GRIA4: variants seen among roughly 807,000 people sequenced by gnomAD.
GRIA4 encodes the protein glutamate ionotropic receptor AMPA type subunit 4.
Under a neutral mutation model 104.0 loss-of-function variants are expected in GRIA4, and 34 were observed. The observed-to-expected ratio is 0.33, with a 90% CI of 0.25 to 0.44. The LOEUF (loss-of-function observed/expected upper bound fraction) is 0.44, where lower values mean the gene tolerates loss of function less well. Ranked by LOEUF, GRIA4 falls within the 20% of genes least tolerant of loss-of-function variation. GRIA4 has a pLI of 1.00. For missense variants in GRIA4, 750 were observed against 1,096.5 expected, an observed-to-expected ratio of 0.68 and a Z score of 4.46; for synonymous variants, 386 against 381.9, an observed-to-expected ratio of 1.01 and a Z score of -0.13.
intron 3 of GRIA4, among the ~76,000 whole-genome samples, chr11:105,723,073 G>A (rs530892372): frequency 6.6e-6 from 1 of 152,170 alleles, no homozygotes; most frequent in East Asian, 1.9e-4. Flanking sequence ...ACTTGCCGAT[G>A]GGTAAAGTTG....
intron 10 of GRIA4, among the ~76,000 whole-genome samples, chr11:105,917,447 G>A (rs1004751434): frequency 1.3e-5 from 2 of 152,150 alleles, no homozygotes; most frequent in Non-Finnish European, 2.9e-5. Context: ...ATCAGAATTA[G>A]TGTAGGTTGC....
intron 3 of GRIA4, among the ~76,000 whole-genome samples, chr11:105,690,093 T>C (rs1343789157): frequency 6.6e-6 from 1 of 152,222 alleles, no homozygotes; most frequent in African/African-American, 2.4e-5. Context: ...CCTTAGTGTC[T>C]ATACTTACAT....
At chr11:105,612,151 A>T in intron 2 of GRIA4, 125 bp from the exon 3 acceptor site, 1 of 784,920 alleles carries the variant, frequency 1.3e-6, no homozygotes, top group Admixed American at 2.4e-5. Context: ...GTCTCCCTAG[A>T]TGTGGCAGGT....
chr11:105,687,621 G>C (rs934869882), intron 3 of GRIA4, among the ~76,000 whole-genome samples: 2 of 152,158 alleles, frequency 1.3e-5, no homozygotes, highest in Admixed American at 1.3e-4. Context: ...GAGAATGACA[G>C]TGCTGTCTAT....
intron 7 of GRIA4, among the ~76,000 whole-genome samples, chr11:105,901,584 A>G (rs1309682314): frequency 6.6e-6 from 1 of 152,182 alleles, no homozygotes; most frequent in East Asian, 1.9e-4. Flanking sequence ...GAAAAGAATT[A>G]TATCTTTTGA....
chr11:105,951,869 G>A (rs553675017), intron 14 of GRIA4, among the ~76,000 whole-genome samples: 1 of 152,182 alleles, frequency 6.6e-6, no homozygotes, highest in African/African-American at 2.4e-5. Context: ...GGCTGAGGTG[G>A]GAGGATCACC....
At chr11:105,674,128 G>T (rs909562190) in intron 3 of GRIA4, among the ~76,000 whole-genome samples, 7 of 152,028 alleles carry the variant, frequency 4.6e-5, no homozygotes, top group African/African-American at 1.7e-4. Context: ...GAACTGGATA[G>T]TGAGCACTTT....
intron 4 of GRIA4, among the ~76,000 whole-genome samples, chr11:105,777,263 A>T (rs1211067885): frequency 6.6e-6 from 1 of 152,202 alleles, no homozygotes; most frequent in Non-Finnish European, 1.5e-5. Context: ...AGAGAAAAAA[A>T]GTTGGTATGA....
At chr11:105,635,593 GC>G (rs1385351563) in intron 3 of GRIA4, among the ~76,000 whole-genome samples, 1 of 152,160 alleles carries the variant, frequency 6.6e-6, no homozygotes, top group African/African-American at 2.4e-5. Context: ...CTGGATTCAT[GC>G]CATTTCAAAT....
chr11:105,828,397 C>T (rs761196511), intron 4 of GRIA4, among the ~76,000 whole-genome samples: 3 of 151,924 alleles, frequency 2.0e-5, no homozygotes, highest in Non-Finnish European at 4.4e-5. Flanking sequence ...GTAGTTGGCA[C>T]ATTAACCATC....
intron 9 of GRIA4, among the ~76,000 whole-genome samples, chr11:105,908,509 A>G (rs1051522020): frequency 5.9e-5 from 9 of 151,776 alleles, no homozygotes; most frequent in East Asian, 1.9e-4. Flanking sequence ...TTACTTCTAA[A>G]TAAGCCCATG....
At chr11:105,667,725 G>A (rs1233051176) in intron 3 of GRIA4, among the ~76,000 whole-genome samples, 2 of 151,848 alleles carry the variant, frequency 1.3e-5, no homozygotes, top group Non-Finnish European at 2.9e-5. Context: ...TGTATTTAAA[G>A]TACACAGCTG....
At chr11:105,694,434 A>C (rs906622149) in intron 3 of GRIA4, among the ~76,000 whole-genome samples, 1 of 152,168 alleles carries the variant, frequency 6.6e-6, no homozygotes, top group African/African-American at 2.4e-5. Context: ...GGCGTAAGTC[A>C]ATGCTCCCGG....
intron 3 of GRIA4, chr11:105,614,120 T>G (rs1405957989): frequency 6.6e-6 from 1 of 151,742 alleles, no homozygotes; most frequent in Non-Finnish European, 1.5e-5. Flanking sequence ...TTACTACTTT[T>G]AAAAATAATC....
At chr11:105,669,589 C>T (rs796453603) in intron 3 of GRIA4, among the ~76,000 whole-genome samples, 31 of 152,206 alleles carry the variant, frequency 2.0e-4, no homozygotes, top group African/African-American at 7.2e-4. Flanking sequence ...TCTGTGTTCT[C>T]ACAGATCTGT....
chr11:105,725,663 A>G (rs1371306652), intron 3 of GRIA4, among the ~76,000 whole-genome samples: 1 of 152,128 alleles, frequency 6.6e-6, no homozygotes, highest in Non-Finnish European at 1.5e-5. Context: ...ACACAGAAAG[A>G]GGGTGATTTC....
intron 3 of GRIA4, among the ~76,000 whole-genome samples, chr11:105,734,962 T>C (rs1026273094): frequency 1.3e-5 from 2 of 152,184 alleles, no homozygotes; most frequent in African/African-American, 2.4e-5. Flanking sequence ...GTTGAATGAA[T>C]AGTTGTTATA....
intron 3 of GRIA4, among the ~76,000 whole-genome samples, chr11:105,725,157 A>C (rs1046483557): frequency 1.3e-5 from 2 of 152,212 alleles, no homozygotes; most frequent in African/African-American, 2.4e-5. Flanking sequence ...AATATATAGA[A>C]TAATTCAAGC....
At position 105,839,255 on chromosome 11, in the gene GRIA4, A is replaced by G. The variant is rs73554234; in HGVS notation, c.488-22769A>G. Among the ~76,000 whole-genome samples the G allele has an allele frequency of 4.9e-3, 741 of 152,284 alleles. 10 individuals are homozygous for G. The highest frequency in any genetic ancestry group is 0.017 in the African/African-American group (704 of 41,566). ...TATGGAAGATGTTTATGTACCTGTCATCTTTGTGGCTATTGAGTAGGATAC... is the reference window on the plus strand; with the variant it reads ...TATGGAAGATGTTTATGTACCTGTCGTCTTTGTGGCTATTGAGTAGGATAC... On this transcript the variant is annotated intron_variant, in intron 4 of 16. Transcript: ENST00000282499.
Sources: gnomAD v4.1 joint callset for allele counts (sites outside exome capture counted in the v4.1 genomes callset) on GRCh38, gnomAD v4.1.1 for gene constraint, MANE v1.5 for transcripts, NCBI Gene and HGNC (gene_info 2026-07-23, HGNC 2026-07-21) for gene names.